IL1RAP: variants seen among roughly 807,000 people sequenced by gnomAD.
The protein encoded by IL1RAP is interleukin-1 receptor accessory protein.
A neutral mutation model predicts 60.7 loss-of-function variants in IL1RAP; 35 were observed. The observed-to-expected ratio is 0.58, with a 90% CI of 0.44 to 0.76. The LOEUF (loss-of-function observed/expected upper bound fraction) is 0.76. Ranked by LOEUF, IL1RAP falls within the 30% of genes least tolerant of loss-of-function variation. IL1RAP has a pLI of 0.00. For synonymous variants in IL1RAP, 268 were observed against 250.9 expected (o/e 1.07, Z -0.64); for missense variants, 572 against 693.9 (o/e 0.82, Z 1.97).
At chr3:190,516,377 G>T (rs1157332081) in intron 1 of IL1RAP, 1 of 152,294 alleles carries the variant, frequency 6.6e-6, no homozygotes, top group African/African-American at 2.4e-5. Flanking sequence ...TCAAAATAAG[G>T]TCAGATCATG....
At chr3:190,552,746 C>T (rs1307339809) in intron 1 of IL1RAP, among the ~76,000 whole-genome samples, 1 of 152,020 alleles carries the variant, frequency 6.6e-6, no homozygotes, top group Non-Finnish European at 1.5e-5. Context: ...TCTTTCCCCT[C>T]TCATGCATGC....
rs2108591100 is a variant in IL1RAP at position 190,551,779 on chromosome 3, G to C, written c.-88-4351G>C. 1.3e-5 allele frequency among the ~76,000 whole-genome samples: 2 copies of C among 152,218 alleles called. 1 individual carries two copies. The highest frequency in any genetic ancestry group is 3.9e-4 in the East Asian group (2 of 5,174). On this transcript the variant is annotated intron_variant, in intron 1 of 11. Coordinates refer to ENST00000447382, the MANE Select transcript of IL1RAP (RefSeq NM_002182.4). ...AAAGGATTAAAACAAGTCAACAATTGTCTGTGAATAACAAAATGTCCAGGG... is the reference window on the plus strand; with the variant it reads ...AAAGGATTAAAACAAGTCAACAATTCTCTGTGAATAACAAAATGTCCAGGG...
downstream of IL1RAP, chr3:190,656,505 A>G: frequency 6.5e-7 from 1 of 1,537,304 alleles, no homozygotes; most frequent in Non-Finnish European, 8.7e-7. Context: ...CTCAATGGAT[A>G]CAAAATGGCA....
chr3:190,524,064 T>C (rs1722304112), intron 1 of IL1RAP, among the ~76,000 whole-genome samples: 1 of 152,142 alleles, frequency 6.6e-6, no homozygotes, highest in Admixed American at 6.5e-5. Flanking sequence ...CCATTCTGAC[T>C]GGTGTGAGAT....
Position 190,525,598 on chromosome 3 carries a change from C to T in IL1RAP, c.-89+11379C>T, listed in dbSNP as rs115958344. On this transcript the variant is annotated intron_variant, in intron 1 of 11. Transcript: ENST00000447382. The stretch of plus-strand genomic sequence containing the variant: ...GAACTTATTTATAAGATGAGAAGAC[C>T]AACTGCTCTGATTTCATCATGTAGG... Among the ~76,000 whole-genome samples the T allele has an allele frequency of 1.7e-3, 253 of 152,212 alleles. 1 individual carries two copies. Among genetic ancestry groups the T allele is most frequent in the African/African-American group, 5.8e-3 (240 of 41,528 alleles).
intron 1 of IL1RAP, among the ~76,000 whole-genome samples, chr3:190,525,378 A>G (rs1415478660): frequency 6.6e-6 from 1 of 152,188 alleles, no homozygotes; most frequent in Non-Finnish European, 1.5e-5. Flanking sequence ...GTGGTGGGCC[A>G]AGTAAGAGAC....
At position 190,604,374 on chromosome 3, in the gene IL1RAP, C is replaced by G. The variant is rs1349795548; in HGVS notation, c.311C>G (p.Thr104Ser). 6.2e-7 allele frequency: 1 copy of G among 1,613,734 alleles called. No individual in the cohort carries two copies. The highest frequency in any genetic ancestry group is 1.1e-5 in the South Asian group (1 of 91,046). Residue 104 changes from threonine to serine, a missense_variant, in exon 4 of 12, where the codon ACT (threonine) becomes AGT (serine). Thr to Ser is a moderately conservative substitution (Grantham distance 58). Coordinates refer to ENST00000447382, the MANE Select transcript of IL1RAP (RefSeq NM_002182.4). ...KEKDVLWFRP[T>S]LLNDTGNYTC... is the part of the protein sequence containing the mutation. The stretch of plus-strand genomic sequence containing the variant: ...AAAGATGTGCTGTGGTTCCGGCCCA[C>G]TCTCCTCAATGACACTGGCAACTAT...
intron 9 of IL1RAP, among the ~76,000 whole-genome samples, chr3:190,641,430 G>A (rs1733654621): frequency 6.6e-6 from 1 of 152,198 alleles, no homozygotes; most frequent in African/African-American, 2.4e-5. Flanking sequence ...TCTTGCATGT[G>A]ACTTAAGCTA....
intron 9 of IL1RAP, among the ~76,000 whole-genome samples, chr3:190,643,190 G>A (rs1012750874): frequency 4.6e-5 from 7 of 152,000 alleles, no homozygotes; most frequent in African/African-American, 1.4e-4. Context: ...ATAAACAAAG[G>A]GAAGAGTAAA....
At position 190,572,674 on chromosome 3, in the gene IL1RAP, C is replaced by T. The variant is rs370059242; in HGVS notation, c.64+8321C>T. 1.1e-4 allele frequency among the ~76,000 whole-genome samples: 17 copies of T among 152,040 alleles called. No individual in the cohort carries two copies. In the East Asian group the frequency reaches 1.9e-3, roughly 17 times the overall value. On this transcript the variant is annotated intron_variant, in intron 3 of 11. Transcript: ENST00000447382. Reference sequence around the variant, plus strand: ...CCTGAGCTTTGCATTGAATGGTTTCCTTTTTGAACAGTTAATGTTTTCTAG... The same window carrying T: ...CCTGAGCTTTGCATTGAATGGTTTCTTTTTTGAACAGTTAATGTTTTCTAG...
intron 1 of IL1RAP, among the ~76,000 whole-genome samples, chr3:190,525,344 G>A (rs895306089): frequency 3.3e-5 from 5 of 152,168 alleles, no homozygotes; most frequent in Non-Finnish European, 5.9e-5. Context: ...AAGGACCCAC[G>A]ATAGGCCTGA....
intron 1 of IL1RAP, among the ~76,000 whole-genome samples, chr3:190,549,993 G>A (rs945802680): frequency 3.3e-5 from 5 of 152,164 alleles, no homozygotes; most frequent in African/African-American, 4.8e-5. Context: ...CCTGGGGTGC[G>A]TGAGGGAGAG....
At chr3:190,529,610 G>A (rs918190266) in intron 1 of IL1RAP, among the ~76,000 whole-genome samples, 7 of 151,598 alleles carry the variant, frequency 4.6e-5, no homozygotes, top group Non-Finnish European at 7.4e-5. Context: ...ACTTGAACCC[G>A]GGAGGCGGAG....
chr3:190,656,351 G>A (rs1456965821), downstream of IL1RAP: 32 of 1,537,050 alleles, frequency 2.1e-5, no homozygotes, highest in East Asian at 1.5e-4. Flanking sequence ...TCCAAGCACC[G>A]AGGGAAGTCC....
chr3:190,551,228 T>C (rs934049825), intron 1 of IL1RAP, among the ~76,000 whole-genome samples: 1 of 152,196 alleles, frequency 6.6e-6, no homozygotes, highest in Non-Finnish European at 1.5e-5. Context: ...CCCAGAGCTT[T>C]CATTGGCTCT....
chr3:190,583,250 T>C (rs1449176828), intron 3 of IL1RAP, among the ~76,000 whole-genome samples: 1 of 152,198 alleles, frequency 6.6e-6, no homozygotes, highest in Non-Finnish European at 1.5e-5. Flanking sequence ...CCTCTGTATG[T>C]TTTATGTGTA....
chr3:190,536,086 A>G (rs940619624), intron 1 of IL1RAP, among the ~76,000 whole-genome samples: 5 of 152,064 alleles, frequency 3.3e-5, no homozygotes, highest in Admixed American at 1.3e-4. Flanking sequence ...AGACCCCCAT[A>G]TTACCAGTTT....
At chr3:190,651,779 G>A (rs1171601799), downstream of IL1RAP, among the ~76,000 whole-genome samples, 2 of 124,492 alleles carry the variant, frequency 1.6e-5, no homozygotes, top group East Asian at 3.6e-4. Flanking sequence ...GTTTATGTGT[G>A]TATGTGTATG....
At chr3:190,544,514 C>G (rs539607488) in intron 1 of IL1RAP, among the ~76,000 whole-genome samples, 1 of 152,142 alleles carries the variant, frequency 6.6e-6, no homozygotes, top group Non-Finnish European at 1.5e-5. Context: ...AGTTCATGAG[C>G]CTTACTCTAA....
Sources: allele counts gnomAD v4.1 joint callset (sites outside exome capture counted in the v4.1 genomes callset), GRCh38; gene constraint gnomAD v4.1.1; transcripts MANE v1.5; gene names NCBI Gene and HGNC (gene_info 2026-07-23, HGNC 2026-07-21).